Variants in GNG4 observed in about 807,000 individuals in gnomAD.
The protein encoded by GNG4 is G protein subunit gamma 4, also known as guanine nucleotide-binding protein G(I)/G(S)/G(O) subunit gamma-4.
GNG4 carries 4 observed loss-of-function variants against 5.8 expected under a neutral mutation model. The observed-to-expected ratio is 0.69, with a 90% CI of 0.34 to 1.57. The LOEUF (loss-of-function observed/expected upper bound fraction) is 1.57, where lower values mean the gene tolerates loss of function less well. Ranked by LOEUF, GNG4 falls within the 40% of genes most tolerant of loss-of-function variation. The pLI, the probability that GNG4 is intolerant of heterozygous loss-of-function variation, is 0.06. For missense variants in GNG4, 96 were observed against 95.1 expected, an observed-to-expected ratio of 1.01 and a Z score of -0.04; for synonymous variants, 29 against 32.9, an observed-to-expected ratio of 0.88 and a Z score of 0.41.
chr1:235,593,335 T>A (rs750677038), intron 2 of GNG4, among the ~76,000 whole-genome samples: 3 of 152,102 alleles, frequency 2.0e-5, no homozygotes, highest in Non-Finnish European at 4.4e-5. Context: ...TGCAAGGCGG[T>A]TCCATCCCCA....
rs1173844984 is a variant in GNG4 at position 235,550,851 on chromosome 1, GT to G, written c.*1257del. ...CAGACATGCACTTATGGTATTTATT[GT>G]TGGAAGATTGAGTACCTTAATGCAC... On this transcript the variant is annotated 3_prime_UTR_variant, in exon 4 of 4. Coordinates refer to ENST00000391854, the MANE Select transcript of GNG4 (RefSeq NM_001098722.2). The G allele has an allele frequency of 2.6e-5, 4 of 152,158 alleles. No homozygotes were observed. The highest frequency in any genetic ancestry group is 4.8e-5 in the African/African-American group (2 of 41,438). 9.4% of individuals were successfully genotyped at this position (152,158 alleles called of 1,614,324 possible). A position where few individuals can be genotyped will look rare whatever the true frequency, so the allele number is the denominator to read the frequency against.
chr1:235,623,328 T>C (rs1249341903), intron 1 of GNG4, among the ~76,000 whole-genome samples: 4 of 152,108 alleles, frequency 2.6e-5, no homozygotes. Context: ...CATCAGAACA[T>C]TCGCTACCTG....
intron 3 of GNG4, among the ~76,000 whole-genome samples, chr1:235,556,685 GT>G (rs1686918514): frequency 2.0e-5 from 3 of 152,054 alleles, no homozygotes; most frequent in Non-Finnish European, 4.4e-5. Context: ...TGAACTGGGG[GT>G]GGGGGGATGG....
intron 1 of GNG4, among the ~76,000 whole-genome samples, chr1:235,598,273 T>C (rs760683364): frequency 5.3e-5 from 8 of 152,196 alleles, no homozygotes; most frequent in Non-Finnish European, 7.3e-5. Flanking sequence ...CCAGAGCTTC[T>C]CAGACTTTGC....
intron 1 of GNG4, among the ~76,000 whole-genome samples, chr1:235,632,877 T>C (rs1298119439): frequency 1.3e-5 from 2 of 152,164 alleles, no homozygotes; most frequent in South Asian, 2.1e-4. Flanking sequence ...ATTAGAAGCA[T>C]GGATGAAACC....
chr1:235,555,886 G>T (rs1686890289), intron 3 of GNG4, among the ~76,000 whole-genome samples: 1 of 151,510 alleles, frequency 6.6e-6, no homozygotes, highest in South Asian at 2.1e-4. Flanking sequence ...TTTTTCTTTT[G>T]AGATGGAGTC....
chr1:235,632,745 C>T (rs1053238298), intron 1 of GNG4, among the ~76,000 whole-genome samples: 1 of 152,056 alleles, frequency 6.6e-6, no homozygotes, highest in African/African-American at 2.4e-5. Flanking sequence ...TGGCACATTC[C>T]TAGAATATTA....
chr1:235,643,549 T>C (rs957265928), intron 1 of GNG4, among the ~76,000 whole-genome samples: 23 of 152,212 alleles, frequency 1.5e-4, no homozygotes, highest in Non-Finnish European at 2.5e-4. Context: ...CATATATTTA[T>C]TGCAGGTGCT....
Position 235,613,862 on chromosome 1 carries a change from C to T in GNG4, c.-122-18351G>A, listed in dbSNP as rs112969077. Reference sequence around the variant, plus strand: ...CAGCAGAGGAAGAGGGTGTGTGAACCTTTCAAGCAGTCCTGACATATAAGG... The same window carrying T: ...CAGCAGAGGAAGAGGGTGTGTGAACTTTTCAAGCAGTCCTGACATATAAGG... On this transcript the variant is annotated intron_variant, in intron 1 of 3. Transcript: ENST00000391854. 7.8e-3 allele frequency among the ~76,000 whole-genome samples: 1,182 copies of T among 152,236 alleles called. 28 individuals are homozygous for T. Among genetic ancestry groups the T allele is most frequent in the African/African-American group, 0.026 (1,069 of 41,526 alleles).
At chr1:235,567,076 C>G (rs954264760) in intron 3 of GNG4, 5 of 151,694 alleles carry the variant, frequency 3.3e-5, no homozygotes, top group Non-Finnish European at 7.4e-5. Flanking sequence ...TAAGTAGGCA[C>G]ATACCACCAT....
Position 235,551,907 on chromosome 1 carries a change from A to C in GNG4, c.*202T>G. ...AAACATTTTGATTTTCTTTGCCAATAATGAAAATAACATGAAAATGAAAAG... is the reference window on the plus strand; with the variant it reads ...AAACATTTTGATTTTCTTTGCCAATCATGAAAATAACATGAAAATGAAAAG... On this transcript the variant is annotated 3_prime_UTR_variant, in exon 4 of 4. Transcript: ENST00000391854. The C allele has an allele frequency of 2.1e-6, 1 of 481,364 alleles. No individual in the cohort carries two copies. Among genetic ancestry groups the C allele is most frequent in the Non-Finnish European group, 3.8e-6 (1 of 262,318 alleles). The allele number at this position is 481,364 out of a possible 1,614,324, so 29.8% of individuals were successfully genotyped here.
At chr1:235,587,529 G>A (rs1558486162) in intron 2 of GNG4, among the ~76,000 whole-genome samples, 13 of 44,874 alleles carry the variant, frequency 2.9e-4, no homozygotes, top group South Asian at 8.6e-4. Flanking sequence ...TGTGTTGTGG[G>A]TGTGTGTCAG....
chr1:235,638,349 C>G (rs1443818620), intron 1 of GNG4, among the ~76,000 whole-genome samples: 1 of 152,120 alleles, frequency 6.6e-6, no homozygotes, highest in Non-Finnish European at 1.5e-5. Flanking sequence ...GTTCAAAAGT[C>G]TGAAATGGGT....
intron 2 of GNG4, among the ~76,000 whole-genome samples, chr1:235,592,899 A>C (rs544142882): frequency 6.6e-6 from 1 of 151,596 alleles, no homozygotes. Context: ...CGGTGTGGAT[A>C]TCTGGTCTTA....
chr1:235,634,506 C>T (rs1342848234), intron 1 of GNG4, among the ~76,000 whole-genome samples: 2 of 152,142 alleles, frequency 1.3e-5, no homozygotes, highest in Non-Finnish European at 2.9e-5. Flanking sequence ...GCAGGAAGAT[C>T]GTGAGTCATT....
At chr1:235,593,351 T>C (rs1688028096) in intron 2 of GNG4, among the ~76,000 whole-genome samples, 1 of 152,218 alleles carries the variant, frequency 6.6e-6, no homozygotes, top group South Asian at 2.1e-4. Context: ...CCCCAGTGCT[T>C]CTGACCTGAC....
At chr1:235,563,403 CAAAAAAAAAAAAAA>C (rs57471662) in intron 3 of GNG4, among the ~76,000 whole-genome samples, 1 of 52,384 alleles carries the variant, frequency 1.9e-5, no homozygotes, top group South Asian at 1.1e-3. Context: ...GAAACTGTCT[CAAAAAAAAAAAAAA>C]AAAAAAAAAA....
intron 3 of GNG4, among the ~76,000 whole-genome samples, chr1:235,556,520 T>C (rs187688462): frequency 7.2e-4 from 98 of 136,516 alleles, no homozygotes; most frequent in Non-Finnish European, 1.2e-3. Flanking sequence ...GTCGCGCCAC[T>C]GCACTCCAGC....
intron 1 of GNG4, chr1:235,615,673 C>A: frequency 4.7e-6 from 1 of 212,366 alleles, no homozygotes; most frequent in Non-Finnish European, 1.0e-5. Context: ...GAAGATGTTT[C>A]TCAAACAGGA....
Sources: gnomAD v4.1 joint callset for allele counts (sites outside exome capture counted in the v4.1 genomes callset) on GRCh38, gnomAD v4.1.1 for gene constraint, MANE v1.5 for transcripts, NCBI Gene and HGNC (gene_info 2026-07-23, HGNC 2026-07-21) for gene names.